Variants in PLEKHM3 observed in about 807,000 individuals in gnomAD.
PLEKHM3 encodes the protein pleckstrin homology domain containing M3.
In PLEKHM3, 45 loss-of-function variants were observed where a neutral mutation model predicts 81.8. The ratio of observed to expected loss-of-function variants is 0.55; its 90% CI spans 0.43 to 0.71. The LOEUF is 0.71. PLEKHM3 is among the 30% of genes least tolerant of loss of function. The pLI is 0.00. For synonymous variants in PLEKHM3, 352 were observed against 356.4 expected, an observed-to-expected ratio of 0.99 and a Z score of 0.14; for missense variants, 788 against 924.3, an observed-to-expected ratio of 0.85 and a Z score of 1.91.
At chr2:208,005,180 C>T (rs978697812) in intron 1 of PLEKHM3, among the ~76,000 whole-genome samples, 1 of 152,180 alleles carries the variant, frequency 6.6e-6, no homozygotes, top group Non-Finnish European at 1.5e-5. Context: ...TTCCTATATA[C>T]CCCATGCTCA....
chr2:207,885,349 T>C (rs1165859000), intron 6 of PLEKHM3, among the ~76,000 whole-genome samples: 2 of 152,236 alleles, frequency 1.3e-5, no homozygotes, highest in Admixed American at 6.5e-5. Context: ...CTTTGCTTCT[T>C]GTTTGTGCTT....
chr2:207,921,403 T>TA (rs1689179044), intron 5 of PLEKHM3, among the ~76,000 whole-genome samples: 1 of 152,196 alleles, frequency 6.6e-6, no homozygotes. Context: ...TAATGATATG[T>TA]ATTGATAGAG....
chr2:207,918,724 G>A (rs1250060928), intron 5 of PLEKHM3, among the ~76,000 whole-genome samples: 2 of 151,988 alleles, frequency 1.3e-5, no homozygotes, highest in Admixed American at 6.6e-5. Context: ...GGCCAAATTG[G>A]GCAGAATCTT....
chr2:208,008,044 C>T (rs1278218844), intron 1 of PLEKHM3, among the ~76,000 whole-genome samples: 1 of 151,954 alleles, frequency 6.6e-6, no homozygotes, highest in African/African-American at 2.4e-5. Flanking sequence ...CAGAGTGAGA[C>T]TGTATCTCAA....
At chr2:207,929,599 G>C (rs1574416505) in intron 5 of PLEKHM3, among the ~76,000 whole-genome samples, 1 of 152,104 alleles carries the variant, frequency 6.6e-6, no homozygotes, top group East Asian at 1.9e-4. Flanking sequence ...GGAAAGCCCT[G>C]ATCTTTTAAA....
At chr2:207,950,985 G>A (rs899495468) in intron 3 of PLEKHM3, among the ~76,000 whole-genome samples, 14 of 152,200 alleles carry the variant, frequency 9.2e-5, no homozygotes, top group African/African-American at 3.1e-4. Context: ...AGGCTAGTTA[G>A]TGGCCTGATG....
At chr2:207,898,525 G>A (rs539356479) in intron 6 of PLEKHM3, among the ~76,000 whole-genome samples, 17 of 152,260 alleles carry the variant, frequency 1.1e-4, no homozygotes, top group East Asian at 1.9e-4. Flanking sequence ...AGGCTGAGGC[G>A]GGCAAATCAC....
intron 5 of PLEKHM3, among the ~76,000 whole-genome samples, chr2:207,925,869 T>C (rs888086432): frequency 2.0e-5 from 3 of 152,102 alleles, no homozygotes; most frequent in Non-Finnish European, 4.4e-5. Flanking sequence ...TTTCCTCTAG[T>C]TCTACAGGAC....
rs1173576161 is a variant in PLEKHM3 at position 207,826,445 on chromosome 2, C to T, written c.*1874G>A. ...CTGCTTTTCTAAGGGTAAAAGGCAC[C>T]GTCAGGCGTCTCATGAATAGGGCCC... On this transcript the variant is annotated 3_prime_UTR_variant, in exon 8 of 8. Transcript: ENST00000427836. 1.3e-5 allele frequency: 2 copies of T among 152,076 alleles called. No homozygotes were observed. The highest frequency in any genetic ancestry group is 1.9e-4 in the East Asian group (1 of 5,198). 9.4% of individuals were successfully genotyped at this position (152,076 alleles called of 1,614,324 possible).
At chr2:207,875,841 C>CAAA (rs35802233) in intron 6 of PLEKHM3, among the ~76,000 whole-genome samples, 1 of 152,100 alleles carries the variant, frequency 6.6e-6, no homozygotes, top group Non-Finnish European at 1.5e-5. Context: ...ACAACAACAA[C>CAAA]AAAACAGGTT....
intron 5 of PLEKHM3, among the ~76,000 whole-genome samples, chr2:207,923,296 TA>T (rs1689248440): frequency 6.6e-6 from 1 of 151,844 alleles, no homozygotes; most frequent in African/African-American, 2.4e-5. Context: ...AGAAAAGTAT[TA>T]AAATGAAAAA....
intron 6 of PLEKHM3, among the ~76,000 whole-genome samples, chr2:207,884,145 C>T (rs1043018316): frequency 6.6e-6 from 1 of 151,014 alleles, no homozygotes; most frequent in Admixed American, 6.6e-5. Flanking sequence ...ACCCCCACCC[C>T]CCAAAAAAAA....
intron 1 of PLEKHM3, among the ~76,000 whole-genome samples, chr2:208,013,731 G>A (rs1692780317): frequency 6.6e-6 from 1 of 152,112 alleles, no homozygotes; most frequent in Non-Finnish European, 1.5e-5. Flanking sequence ...TGGGTGGTGA[G>A]GATGTCATGG....
intron 1 of PLEKHM3, among the ~76,000 whole-genome samples, chr2:208,023,274 C>G (rs1162747757): frequency 6.8e-6 from 1 of 146,084 alleles, no homozygotes; most frequent in Non-Finnish European, 1.5e-5. Context: ...TCCCAAAGCA[C>G]TGGAATTACA....
intron 5 of PLEKHM3, among the ~76,000 whole-genome samples, chr2:207,925,414 G>C (rs1689360161): frequency 6.6e-6 from 1 of 152,098 alleles, no homozygotes; most frequent in African/African-American, 2.4e-5. Flanking sequence ...TCACCTCCTG[G>C]CTCCTCCTGA....
At chr2:207,963,262 C>T (rs1479221859) in intron 3 of PLEKHM3, among the ~76,000 whole-genome samples, 1 of 152,110 alleles carries the variant, frequency 6.6e-6, no homozygotes, top group Non-Finnish European at 1.5e-5. Context: ...GGTGGGTGAG[C>T]AGAAAGTGGT....
At chr2:207,931,354 C>T (rs1871671) in intron 4 of PLEKHM3, among the ~76,000 whole-genome samples, 94,001 of 152,110 alleles carry the variant, frequency 0.62, 29,688 homozygotes, top group Middle Eastern at 0.79. Flanking sequence ...GTGGTGATTA[C>T]AGGAACCTAC....
chr2:207,882,582 A>G (rs1036699864), intron 6 of PLEKHM3, among the ~76,000 whole-genome samples: 6 of 135,928 alleles, frequency 4.4e-5, no homozygotes, highest in African/African-American at 8.4e-5. Flanking sequence ...ATTGCACTCC[A>G]GCCTGGGCGA....
intron 3 of PLEKHM3, among the ~76,000 whole-genome samples, chr2:207,954,241 A>C (rs188245070): frequency 1.5e-3 from 222 of 152,256 alleles, no homozygotes; most frequent in African/African-American, 4.7e-3. Context: ...CTGCAATCCC[A>C]GCTACTTTGG....
Sources: gnomAD v4.1 joint callset for allele counts (sites outside exome capture counted in the v4.1 genomes callset) on GRCh38, gnomAD v4.1.1 for gene constraint, MANE v1.5 for transcripts, NCBI Gene and HGNC (gene_info 2026-07-23, HGNC 2026-07-21) for gene names.